Variants in PTPRD observed in about 807,000 individuals in gnomAD.
PTPRD encodes protein tyrosine phosphatase receptor type D, also known as receptor-type tyrosine-protein phosphatase delta.
In PTPRD, 34 loss-of-function variants were observed where a neutral mutation model predicts 214.5. That is an observed-to-expected ratio of 0.16 (90% CI 0.12 to 0.21). The LOEUF is 0.21. PTPRD is among the 10% of genes least tolerant of loss of function. The pLI is 1.00. For synonymous variants in PTPRD, 1,128 were observed against 845.7 expected, an observed-to-expected ratio of 1.33 and a Z score of -5.79; for missense variants, 2,545 against 2,398.7, an observed-to-expected ratio of 1.06 and a Z score of -1.27.
At chr9:9,814,115 T>C (rs1057237197) in intron 5 of PTPRD, among the ~76,000 whole-genome samples, 9 of 152,086 alleles carry the variant, frequency 5.9e-5, no homozygotes, top group Admixed American at 6.6e-5. Context: ...GATAAAACTC[T>C]GAAGAATTTA....
Position 9,065,053 on chromosome 9 carries a change from A to G in PTPRD, c.-142-46318T>C, listed in dbSNP as rs79802469. Among the ~76,000 whole-genome samples, 1,071 of 152,334 alleles carry G rather than the reference A, an allele frequency of 7.0e-3. 16 individuals are homozygous for G. The highest frequency in any genetic ancestry group is 0.025 in the African/African-American group (1,026 of 41,578). The stretch of plus-strand genomic sequence containing the variant: ...CATCACAAATATCCACTGAGTATTT[A>G]CATGAAATAGGCATTCCCATAGGAG... On this transcript the variant is annotated intron_variant, in intron 10 of 45. Coordinates refer to ENST00000381196, the MANE Select transcript of PTPRD (RefSeq NM_002839.4).
chr9:10,316,655 TAGA>T (rs1463403806), intron 3 of PTPRD, among the ~76,000 whole-genome samples: 1 of 151,948 alleles, frequency 6.6e-6, no homozygotes, highest in Non-Finnish European at 1.5e-5. Flanking sequence ...AATGTTAAAT[TAGA>T]AGATTTTTAA....
At chr9:10,531,911 A>G (rs1237969259) in intron 2 of PTPRD, among the ~76,000 whole-genome samples, 1 of 152,192 alleles carries the variant, frequency 6.6e-6, no homozygotes, top group African/African-American at 2.4e-5. Flanking sequence ...TCCCATGGAG[A>G]ACTCCAACAG....
At chr9:8,457,848 A>G (rs1216678683) in intron 33 of PTPRD, among the ~76,000 whole-genome samples, 1 of 152,136 alleles carries the variant, frequency 6.6e-6, no homozygotes, top group Non-Finnish European at 1.5e-5. Context: ...CTGTATATAA[A>G]CTGAAAGGCA....
chr9:9,402,033 G>A (rs562636157), intron 8 of PTPRD, among the ~76,000 whole-genome samples: 2 of 152,014 alleles, frequency 1.3e-5, no homozygotes, highest in Non-Finnish European at 2.9e-5. Context: ...AGTCATAATT[G>A]TGAGTTCTTC....
intron 11 of PTPRD, among the ~76,000 whole-genome samples, chr9:8,757,250 T>G (rs2094065031): frequency 6.6e-6 from 1 of 152,208 alleles, no homozygotes; most frequent in African/African-American, 2.4e-5. Context: ...ACAATGCCTC[T>G]AATAAATTTG....
At chr9:9,662,361 T>C (rs545469401) in intron 7 of PTPRD, among the ~76,000 whole-genome samples, 4 of 151,678 alleles carry the variant, frequency 2.6e-5, no homozygotes, top group Non-Finnish European at 5.9e-5. Flanking sequence ...TTGCATTTCC[T>C]GAAGGAATGT....
intron 8 of PTPRD, among the ~76,000 whole-genome samples, chr9:9,538,857 T>C (rs949065349): frequency 7.9e-5 from 12 of 151,838 alleles, no homozygotes; most frequent in African/African-American, 2.4e-4. Context: ...GGTTTAATTT[T>C]TTCTTTTGGA....
intron 36 of PTPRD, among the ~76,000 whole-genome samples, chr9:8,400,045 T>C (rs2092113512): frequency 6.6e-6 from 1 of 152,146 alleles, no homozygotes; most frequent in African/African-American, 2.4e-5. Flanking sequence ...TGTTGTTGAA[T>C]TGAAAAGCAG....
intron 12 of PTPRD, among the ~76,000 whole-genome samples, chr9:8,729,751 T>A (rs1458643335): frequency 6.6e-6 from 1 of 152,210 alleles, no homozygotes; most frequent in African/African-American, 2.4e-5. Context: ...CAGCCAGACT[T>A]CAAAACCAGA....
intron 33 of PTPRD, among the ~76,000 whole-genome samples, chr9:8,452,382 G>C (rs1313046978): frequency 6.6e-6 from 1 of 152,166 alleles, no homozygotes; most frequent in Non-Finnish European, 1.5e-5. Flanking sequence ...GGAAGATGAA[G>C]AGTTTGGTCA....
chr9:8,502,640 A>T (rs2097435566), intron 23 of PTPRD, among the ~76,000 whole-genome samples: 1 of 152,088 alleles, frequency 6.6e-6, no homozygotes, highest in African/African-American at 2.4e-5. Flanking sequence ...ATCATTATTC[A>T]TAATAAATTG....
rs552240697 is a variant in PTPRD, at chr9:9,707,243, A to G, written c.-287+27290T>C. On this transcript the variant is annotated intron_variant, in intron 7 of 45. Transcript: ENST00000381196. ...GAAAATTATAATTATGGGTATTGTT[A>G]ATTAAAACCAGTGTGCTGTTAAAAC... Among the ~76,000 whole-genome samples the G allele has an allele frequency of 2.6e-5, 4 of 152,304 alleles. No homozygotes were observed. In the South Asian group the frequency reaches 8.3e-4, roughly 32 times the overall value.
intron 4 of PTPRD, among the ~76,000 whole-genome samples, chr9:9,979,094 A>G (rs1160121892): frequency 2.6e-5 from 4 of 152,082 alleles, no homozygotes; most frequent in African/African-American, 9.7e-5. Flanking sequence ...ACTAAAGCTG[A>G]TTTATTGCTA....
At chr9:9,006,585 A>G (rs185468907) in intron 11 of PTPRD, among the ~76,000 whole-genome samples, 10 of 152,200 alleles carry the variant, frequency 6.6e-5, no homozygotes, top group Non-Finnish European at 4.4e-5. Context: ...ATTTATTCAC[A>G]TAACCTACCT....
intron 5 of PTPRD, among the ~76,000 whole-genome samples, chr9:9,796,068 A>C (rs909022147): frequency 2.0e-5 from 3 of 152,108 alleles, no homozygotes; most frequent in African/African-American, 7.2e-5. Flanking sequence ...AGTTTTTTTA[A>C]TATGCAATTT....
At position 8,713,701 on chromosome 9, in the gene PTPRD, G is replaced by T. The variant is rs2098396008; in HGVS notation, c.64+20079C>A. On this transcript the variant is annotated intron_variant, in intron 12 of 45. Transcript: ENST00000381196. ...CTCCATTCAGATCATGATGGTGGAA[G>T]AGATCGCGGCCAGCAAGTGACGCCG... The T allele has an allele frequency of 2.0e-6, 3 of 1,513,710 alleles. No homozygotes were observed. The African/African-American group carries it at 4.1e-5, about 21-fold the overall frequency. 93.8% of individuals were successfully genotyped at this position (1,513,710 alleles called of 1,614,324 possible).
intron 37 of PTPRD, among the ~76,000 whole-genome samples, chr9:8,380,221 G>A (rs896952332): frequency 6.6e-6 from 1 of 152,146 alleles, no homozygotes; most frequent in Non-Finnish European, 1.5e-5. Flanking sequence ...GGGGCATCAA[G>A]GTGACATAAG....
chr9:9,429,831 G>A (rs543344919), intron 8 of PTPRD, among the ~76,000 whole-genome samples: 1 of 151,662 alleles, frequency 6.6e-6, no homozygotes, highest in African/African-American at 2.4e-5. Flanking sequence ...TGCAGAAAAG[G>A]CCTTTGACAA....
Sources: gnomAD v4.1 joint callset for allele counts (sites outside exome capture counted in the v4.1 genomes callset) on GRCh38, gnomAD v4.1.1 for gene constraint, MANE v1.5 for transcripts, NCBI Gene and HGNC (gene_info 2026-07-23, HGNC 2026-07-21) for gene names.